HIVEP3: variants seen among roughly 807,000 people sequenced by gnomAD.
The protein encoded by HIVEP3 is transcription factor HIVEP3.
A neutral mutation model predicts 152.8 loss-of-function variants in HIVEP3; 49 were observed. That is an observed-to-expected ratio of 0.32 (90% CI 0.26 to 0.41). The LOEUF (loss-of-function observed/expected upper bound fraction) is 0.41. Among genes scored for constraint, HIVEP3 ranks in the 10% least tolerant of loss-of-function variants. The pLI, the probability that HIVEP3 is intolerant of heterozygous loss-of-function variation, is 1.00. For synonymous variants in HIVEP3, 1,269 were observed against 1,289.0 expected, an observed-to-expected ratio of 0.98 and a Z score of 0.33; for missense variants, 2,790 against 3,103.3, an observed-to-expected ratio of 0.90 and a Z score of 2.40.
chr1:41,898,177 A>G (rs1644565169), intron 1 of HIVEP3, among the ~76,000 whole-genome samples: 1 of 152,228 alleles, frequency 6.6e-6, no homozygotes, highest in Non-Finnish European at 1.5e-5. Flanking sequence ...GTCTTGGTGC[A>G]TCTTGGAACC....
chr1:41,891,743 C>G (rs938487876), intron 1 of HIVEP3, among the ~76,000 whole-genome samples: 5 of 152,238 alleles, frequency 3.3e-5, no homozygotes, highest in Admixed American at 2.6e-4. Flanking sequence ...AAGCACAGCT[C>G]GCTCAAGAGG....
intron 1 of HIVEP3, among the ~76,000 whole-genome samples, chr1:41,958,853 G>A (rs1298396418): frequency 6.6e-6 from 1 of 152,160 alleles, no homozygotes; most frequent in East Asian, 1.9e-4. Context: ...CAGGGGCTTG[G>A]GTAAAACTAG....
chr1:41,722,376 T>C (rs1057169065), intron 1 of HIVEP3, among the ~76,000 whole-genome samples: 7 of 151,294 alleles, frequency 4.6e-5, no homozygotes, highest in Non-Finnish European at 1.0e-4. Flanking sequence ...TGGCTGGACC[T>C]GGAGATCAGC....
intron 2 of HIVEP3, among the ~76,000 whole-genome samples, chr1:41,660,469 C>T (rs1267397538): frequency 6.6e-6 from 1 of 152,182 alleles, no homozygotes; most frequent in Non-Finnish European, 1.5e-5. Context: ...GATGGGGAGT[C>T]ATGTTGCGGT....
At position 41,715,571 on chromosome 1, in the gene HIVEP3, T is replaced by G. The variant is rs577327936; in HGVS notation, c.-800-14576A>C. ...AGACAAAATCCCCAAGGCAGTTTATTGACAGCCAAGGATTAGAAAGAGGCC... is the reference window on the plus strand; with the variant it reads ...AGACAAAATCCCCAAGGCAGTTTATGGACAGCCAAGGATTAGAAAGAGGCC... On this transcript the variant is annotated intron_variant, in intron 1 of 8. Coordinates refer to ENST00000372583, the MANE Select transcript of HIVEP3 (RefSeq NM_024503.5). Among the ~76,000 whole-genome samples, 27 of 152,228 alleles carry G rather than the reference T, an allele frequency of 1.8e-4. 1 individual carries two copies. The East Asian group carries it at 3.3e-3, about 18-fold the overall frequency.
intron 1 of HIVEP3, among the ~76,000 whole-genome samples, chr1:41,721,286 C>A (rs1558210376): frequency 6.6e-6 from 1 of 151,916 alleles, no homozygotes; most frequent in Non-Finnish European, 1.5e-5. Flanking sequence ...CGGCTCACTG[C>A]AACCTCCACA....
chr1:41,848,703 C>T (rs1643510182), intron 1 of HIVEP3, among the ~76,000 whole-genome samples: 1 of 152,158 alleles, frequency 6.6e-6, no homozygotes, highest in Admixed American at 6.5e-5. Flanking sequence ...AGAGGCCATG[C>T]CAGCTTGGGC....
At chr1:41,796,398 A>G (rs1318957027) in intron 1 of HIVEP3, among the ~76,000 whole-genome samples, 4 of 152,272 alleles carry the variant, frequency 2.6e-5, no homozygotes. Context: ...CTATATGAGG[A>G]CAAAGAATAA....
intron 3 of HIVEP3, among the ~76,000 whole-genome samples, chr1:41,627,711 C>T (rs892116275): frequency 1.3e-5 from 2 of 152,162 alleles, no homozygotes; most frequent in Non-Finnish European, 2.9e-5. Context: ...GAAATGTTGC[C>T]TTGGAAATCT....
intron 5 of HIVEP3, among the ~76,000 whole-genome samples, chr1:41,553,910 T>C (rs1048778623): frequency 6.6e-6 from 1 of 152,236 alleles, no homozygotes; most frequent in African/African-American, 2.4e-5. Context: ...CTGACCTTTC[T>C]CTCTGGCTGC....
intron 1 of HIVEP3, among the ~76,000 whole-genome samples, chr1:41,897,063 A>G (rs1379925671): frequency 1.3e-5 from 2 of 152,168 alleles, no homozygotes; most frequent in African/African-American, 4.8e-5. Flanking sequence ...GGAAACCACC[A>G]AGATTGGTGT....
At chr1:41,975,353 T>C (rs1645253541) in intron 1 of HIVEP3, among the ~76,000 whole-genome samples, 1 of 152,166 alleles carries the variant, frequency 6.6e-6, no homozygotes, top group African/African-American at 2.4e-5. Flanking sequence ...GGCTAGTGGA[T>C]ACACACAAAT....
In HIVEP3 at chr1:41,721,007, A is replaced by G. The variant is rs78017360; in HGVS notation, c.-800-20012T>C. Among the ~76,000 whole-genome samples, 11 of 152,380 alleles carry G rather than the reference A, an allele frequency of 7.2e-5. No homozygotes were observed. The East Asian group carries it at 1.2e-3, about 16-fold the overall frequency. ...CTAAAATAGTCAAACTCACAGAAGC[A>G]GACAGTAGAATAGTGGGTGCCAGGA... On this transcript the variant is annotated intron_variant, in intron 1 of 8. Transcript: ENST00000372583.
At chr1:42,000,098 C>T (rs1181977861) in intron 1 of HIVEP3, among the ~76,000 whole-genome samples, 1 of 152,154 alleles carries the variant, frequency 6.6e-6, no homozygotes, top group Non-Finnish European at 1.5e-5. Context: ...GACCTAGGTA[C>T]TCAAATGATC....
At chr1:41,633,933 G>C (rs1186097510) in intron 2 of HIVEP3, among the ~76,000 whole-genome samples, 1 of 152,146 alleles carries the variant, frequency 6.6e-6, no homozygotes, top group East Asian at 1.9e-4. Context: ...GCTGGCATTT[G>C]ACAGTCTCTA....
chr1:41,645,251 A>G (rs1344779628), intron 2 of HIVEP3, among the ~76,000 whole-genome samples: 4 of 152,144 alleles, frequency 2.6e-5, no homozygotes, highest in South Asian at 4.1e-4. Context: ...TGCTGGCTGC[A>G]GGGCTCCTTC....
intron 5 of HIVEP3, chr1:41,543,825 G>C (rs1369890709): frequency 6.6e-6 from 1 of 152,244 alleles, no homozygotes; most frequent in African/African-American, 2.4e-5. Context: ...GGGAAGTGGA[G>C]ATGCTTCTTC....
intron 1 of HIVEP3, among the ~76,000 whole-genome samples, chr1:41,718,672 T>C (rs1646631281): frequency 6.6e-6 from 1 of 152,168 alleles, no homozygotes. Context: ...AAACATGGTG[T>C]GTGTGGCCTG....
chr1:42,026,836 C>T (rs1263395952), intron 1 of HIVEP3, among the ~76,000 whole-genome samples: 1 of 152,192 alleles, frequency 6.6e-6, no homozygotes, highest in Non-Finnish European at 1.5e-5. Flanking sequence ...CTATTGCAAG[C>T]AACAGATACA....
Sources: gnomAD v4.1 joint callset for allele counts (sites outside exome capture counted in the v4.1 genomes callset) on GRCh38, gnomAD v4.1.1 for gene constraint, MANE v1.5 for transcripts, NCBI Gene and HGNC (gene_info 2026-07-23, HGNC 2026-07-21) for gene names.